The following ATF7 variants were observed in gnomAD, a reference collection of about 807,000 sequenced individuals.
ATF7 encodes the protein activating transcription factor 7.
ATF7 carries 10 observed loss-of-function variants against 50.4 expected under a neutral mutation model. The ratio of observed to expected loss-of-function variants is 0.20; its 90% CI spans 0.12 to 0.34. ATF7 has a LOEUF of 0.34. Among genes scored for constraint, ATF7 ranks in the 10% least tolerant of loss-of-function variants. The pLI is 1.00. For synonymous variants in ATF7, 201 were observed against 226.4 expected, an observed-to-expected ratio of 0.89 and a Z score of 1.01; for missense variants, 465 against 613.9, an observed-to-expected ratio of 0.76 and a Z score of 2.56.
chr12:53,555,701 G>T (rs1029112846), intron 2 of ATF7, among the ~76,000 whole-genome samples: 1 of 151,808 alleles, frequency 6.6e-6, no homozygotes, highest in African/African-American at 2.4e-5. Context: ...ATAGAGAAGG[G>T]GTTTCTACAT....
chr12:53,611,722 C>G (rs907678027), intron 1 of ATF7, among the ~76,000 whole-genome samples: 1 of 152,082 alleles, frequency 6.6e-6, no homozygotes, highest in African/African-American at 2.4e-5. Flanking sequence ...TCCTGAATAG[C>G]TGAGATTACA....
At chr12:53,527,955 C>T (rs914694378) in intron 9 of ATF7, among the ~76,000 whole-genome samples, 2 of 151,920 alleles carry the variant, frequency 1.3e-5, no homozygotes, top group African/African-American at 4.8e-5. Context: ...AATTCTCCTG[C>T]CTCAGTCTCC....
At chr12:53,536,908 G>T (rs1406727468) in intron 5 of ATF7, among the ~76,000 whole-genome samples, 1 of 151,912 alleles carries the variant, frequency 6.6e-6, no homozygotes, top group African/African-American at 2.4e-5. Context: ...AACAACAAAA[G>T]AATACAATTG....
At chr12:53,585,544 GA>G (rs1942638963) in intron 2 of ATF7, among the ~76,000 whole-genome samples, 1 of 152,038 alleles carries the variant, frequency 6.6e-6, no homozygotes, top group South Asian at 2.1e-4. Context: ...AGCAAAGGAA[GA>G]GCATAAATGA....
At chr12:53,609,707 A>G (rs1325680376) in intron 1 of ATF7, among the ~76,000 whole-genome samples, 1 of 152,020 alleles carries the variant, frequency 6.6e-6, no homozygotes, top group Non-Finnish European at 1.5e-5. Flanking sequence ...GCATAATAAT[A>G]GTTTAGCATA....
At chr12:53,569,201 A>G (rs757536785) in intron 2 of ATF7, among the ~76,000 whole-genome samples, 2 of 152,042 alleles carry the variant, frequency 1.3e-5, no homozygotes, top group Non-Finnish European at 2.9e-5. Flanking sequence ...TAAAAAAGGA[A>G]TCTACACTGC....
Position 53,512,920 on chromosome 12 carries a change from C to T in ATF7, c.*4217G>A, listed in dbSNP as rs1243032896. ...CTTGGAGTGCTTTTAAACCCTGCCC[C>T]CAGAGTCTGTGATTCAATAAGTCTG... On this transcript the variant is annotated 3_prime_UTR_variant, in exon 12 of 12. Coordinates refer to ENST00000420353, the MANE Select transcript of ATF7 (RefSeq NM_006856.3). 2.0e-5 allele frequency: 3 copies of T among 152,144 alleles called. No homozygotes were observed. The highest frequency in any genetic ancestry group is 4.1e-4 in the South Asian group (2 of 4,832). 9.4% of individuals were successfully genotyped at this position (152,144 alleles called of 1,614,324 possible).
chr12:53,520,821 A>G (rs529823765), intron 11 of ATF7, among the ~76,000 whole-genome samples: 1 of 152,052 alleles, frequency 6.6e-6, no homozygotes, highest in African/African-American at 2.4e-5. Flanking sequence ...TCTCATATAT[A>G]CCATCCCATC....
intron 9 of ATF7, among the ~76,000 whole-genome samples, chr12:53,529,710 TACAC>T (rs796404325): frequency 7.6e-6 from 1 of 132,244 alleles, no homozygotes; most frequent in Admixed American, 8.0e-5. Context: ...TATATACACA[TACAC>T]ACACACACAC....
At chr12:53,618,799 C>T (rs764660276) in intron 1 of ATF7, among the ~76,000 whole-genome samples, 3 of 152,076 alleles carry the variant, frequency 2.0e-5, no homozygotes, top group Non-Finnish European at 4.4e-5. Context: ...TGCCTGTAAT[C>T]CCAGCACTTT....
intron 1 of ATF7, among the ~76,000 whole-genome samples, chr12:53,614,600 C>T (rs1944035078): frequency 6.6e-6 from 1 of 152,164 alleles, no homozygotes; most frequent in African/African-American, 2.4e-5. Flanking sequence ...CCCACAATGA[C>T]AATCACTGAG....
At chr12:53,570,992 C>T (rs1398926374) in intron 2 of ATF7, among the ~76,000 whole-genome samples, 3 of 152,060 alleles carry the variant, frequency 2.0e-5, no homozygotes. Context: ...TTCTTAGAAG[C>T]TGTGAATGTT....
intron 9 of ATF7, among the ~76,000 whole-genome samples, chr12:53,527,786 T>C (rs1227513967): frequency 6.6e-6 from 1 of 151,014 alleles, no homozygotes; most frequent in Non-Finnish European, 1.5e-5. Flanking sequence ...AAAAAAAGAA[T>C]CTTGTACTCT....
chr12:53,571,859 G>A (rs1337505016), intron 2 of ATF7, among the ~76,000 whole-genome samples: 2 of 152,114 alleles, frequency 1.3e-5, no homozygotes, highest in African/African-American at 4.8e-5. Flanking sequence ...CTGAAGTCAG[G>A]AGTTAAAAAC....
intron 1 of ATF7, among the ~76,000 whole-genome samples, chr12:53,619,806 T>C (rs969070165): frequency 6.6e-6 from 1 of 151,062 alleles, no homozygotes; most frequent in African/African-American, 2.4e-5. Context: ...AGGGAGACCC[T>C]GCCTCAGAAA....
rs571940915 is a variant in ATF7 at position 53,546,820 on chromosome 12, C to T, written c.146-3372G>A. Among the ~76,000 whole-genome samples, 120 of 148,948 alleles carry T rather than the reference C, an allele frequency of 8.1e-4. 1 individual carries two copies. The highest frequency in any genetic ancestry group is 2.7e-3 in the African/African-American group (110 of 40,378). ...CCACCCAGGCGGGAGAGCAGTGACA[C>T]GATCTCGGCTCACTGCAGCCTCTGC... On this transcript the variant is annotated intron_variant, in intron 3 of 11. Transcript: ENST00000420353.
At chr12:53,539,893 AC>A (rs1378132664) in intron 4 of ATF7, among the ~76,000 whole-genome samples, 8 of 151,322 alleles carry the variant, frequency 5.3e-5, no homozygotes, top group African/African-American at 1.7e-4. Flanking sequence ...ACATGGCAAA[AC>A]CCCATCTCTA....
intron 2 of ATF7, among the ~76,000 whole-genome samples, chr12:53,555,286 T>C (rs1006039856): frequency 2.7e-5 from 4 of 150,062 alleles, no homozygotes; most frequent in Non-Finnish European, 3.0e-5. Flanking sequence ...GATTGCGCCA[T>C]TGCACTCCAG....
At chr12:53,586,798 TAC>T (rs747042028) in intron 2 of ATF7, among the ~76,000 whole-genome samples, 1 of 151,882 alleles carries the variant, frequency 6.6e-6, no homozygotes, top group African/African-American at 2.4e-5. Flanking sequence ...CACACACAAA[TAC>T]ACACACACAC....
Sources: allele counts gnomAD v4.1 joint callset (sites outside exome capture counted in the v4.1 genomes callset), GRCh38; gene constraint gnomAD v4.1.1; transcripts MANE v1.5; gene names NCBI Gene and HGNC (gene_info 2026-07-23, HGNC 2026-07-21).